The following CCK variants were observed in gnomAD, a reference collection of about 807,000 sequenced individuals.
CCK encodes cholecystokinin.
CCK carries 11 observed loss-of-function variants against 10.1 expected under a neutral mutation model. The observed-to-expected ratio is 1.09, with a 90% CI of 0.69 to 1.81. CCK has a LOEUF of 1.81. CCK is among the 40% of genes most tolerant of loss of function. The probability of loss-of-function intolerance (pLI) is 0.00; values close to 1 mark genes in which losing one functional copy is unlikely to be tolerated. For synonymous variants in CCK, 83 were observed against 71.9 expected (o/e 1.15, Z -0.78); for missense variants, 137 against 159.9 (o/e 0.86, Z 0.77).
intron 4 of CCK, among the ~76,000 whole-genome samples, chr3:42,258,636 G>C (rs754337488): frequency 6.6e-6 from 1 of 152,092 alleles, no homozygotes; most frequent in Non-Finnish European, 1.5e-5. Context: ...GTACTTAATT[G>C]TTCCTAAATT....
chr3:42,259,098 A>G (rs891749448), intron 4 of CCK, among the ~76,000 whole-genome samples: 2 of 152,180 alleles, frequency 1.3e-5, no homozygotes, highest in African/African-American at 4.8e-5. Context: ...AAACTAACAC[A>G]GGAACAGAAG....
At chr3:42,262,871 A>G (rs1420115277) in intron 4 of CCK, 2 of 170,512 alleles carry the variant, frequency 1.2e-5, no homozygotes, top group Non-Finnish European at 2.5e-5. Context: ...GTAAAAACAA[A>G]TACCTCTCTT....
chr3:42,265,244 G>C (rs1046185218), intron 2 of CCK, 25 bp downstream of exon 2: 2 of 152,406 alleles, frequency 1.3e-5, no homozygotes, highest in African/African-American at 4.8e-5. Flanking sequence ...CTACCCCGGA[G>C]CGTCCGAGGC....
intron 4 of CCK, among the ~76,000 whole-genome samples, chr3:42,261,582 G>A (rs4377469): frequency 1.3e-5 from 2 of 151,412 alleles, no homozygotes. Flanking sequence ...TCTAGTATTG[G>A]TTCTAGGAAA....
chr3:42,261,507 A>T (rs985396685), intron 4 of CCK, among the ~76,000 whole-genome samples: 5 of 151,942 alleles, frequency 3.3e-5, no homozygotes, highest in African/African-American at 1.2e-4. Context: ...GCAAAGGGAG[A>T]GGGGGGCTGA....
intron 4 of CCK, 149 bp downstream of exon 4, chr3:42,263,268 C>T: frequency 8.2e-7 from 1 of 1,224,424 alleles, no homozygotes; most frequent in Non-Finnish European, 1.2e-6. Flanking sequence ...TACCCCTTCT[C>T]AGATTGCTAC....
chr3:42,263,821 AC>A, intron 3 of CCK, 189 bp from the exon 4 acceptor site: 1 of 967,348 alleles, frequency 1.0e-6, no homozygotes, highest in Non-Finnish European at 1.4e-6. Context: ...CCCCGGGCGC[AC>A]CTGGCTGGTC....
intron 4 of CCK, among the ~76,000 whole-genome samples, chr3:42,262,346 G>A (rs1432713904): frequency 3.3e-5 from 5 of 149,976 alleles, no homozygotes; most frequent in African/African-American, 7.4e-5. Context: ...TCAGCCTCCC[G>A]TGTAGCTGGG....
At chr3:42,262,134 C>T (rs1292596563) in intron 4 of CCK, among the ~76,000 whole-genome samples, 2 of 151,854 alleles carry the variant, frequency 1.3e-5, no homozygotes, top group Non-Finnish European at 2.9e-5. Context: ...CAAATCCAGG[C>T]CCTGGAACAC....
At chr3:42,265,022 C>A (rs540011983) in intron 2 of CCK, 115 bp from the exon 3 acceptor site, 11 of 152,450 alleles carry the variant, frequency 7.2e-5, no homozygotes, top group African/African-American at 2.6e-4. Flanking sequence ...TTCCAGGTGC[C>A]GCTCCCCTGC....
At chr3:42,260,096 A>G (rs1001522326) in intron 4 of CCK, among the ~76,000 whole-genome samples, 2 of 152,188 alleles carry the variant, frequency 1.3e-5, no homozygotes, top group African/African-American at 4.8e-5. Context: ...TTAATTAAAA[A>G]CAGAAACAAC....
At chr3:42,261,761 A>G (rs1711217602) in intron 4 of CCK, among the ~76,000 whole-genome samples, 1 of 152,160 alleles carries the variant, frequency 6.6e-6, no homozygotes, top group African/African-American at 2.4e-5. Context: ...TCCACAGTTA[A>G]ATGAAAAGCC....
intron 4 of CCK, among the ~76,000 whole-genome samples, chr3:42,259,079 A>G (rs1032871749): frequency 6.6e-6 from 1 of 152,176 alleles, no homozygotes; most frequent in Non-Finnish European, 1.5e-5. Flanking sequence ...GGAAACCATC[A>G]TTCTCAGCAA....
intron 4 of CCK, 173 bp downstream of exon 4, chr3:42,263,244 A>G (rs761570026): frequency 1.6e-4 from 158 of 961,124 alleles, no homozygotes; most frequent in Non-Finnish European, 2.5e-4. Flanking sequence ...CTTACTTATA[A>G]ATTAAGTCCT....
intron 3 of CCK, 76 bp downstream of exon 3, chr3:42,264,621 G>A (rs1711261449): frequency 6.6e-6 from 1 of 152,082 alleles, no homozygotes; most frequent in Non-Finnish European, 1.5e-5. Context: ...TAATGGAAAT[G>A]GGCACAAAGC....
chr3:42,264,879 A>C lies in CCK; in HGVS notation c.-185T>G, dbSNP rs1711265022. ...AGTAACACGTGCTCAGAGGGCGGCC[A>C]CTGGGGCGACAACCGGTTGAAGTGG... On this transcript the variant is annotated 5_prime_UTR_variant, in exon 3 of 5. Coordinates refer to ENST00000396169, the MANE Select transcript of CCK (RefSeq NM_000729.6). 3 of 152,286 alleles carry C rather than the reference A, an allele frequency of 2.0e-5. No homozygotes were observed. The South Asian group carries it at 6.2e-4, about 32-fold the overall frequency. The allele number at this position is 152,286 out of a possible 1,614,324, so 9.4% of individuals were successfully genotyped here. A position where few individuals can be genotyped will look rare whatever the true frequency, so the allele number is the denominator to read the frequency against.
At chr3:42,260,483 C>A (rs1463478773) in intron 4 of CCK, among the ~76,000 whole-genome samples, 1 of 152,200 alleles carries the variant, frequency 6.6e-6, no homozygotes, top group Non-Finnish European at 1.5e-5. Flanking sequence ...ATGGAAGCTG[C>A]ATTTATCACA....
At chr3:42,258,480 A>G (rs754634628) in intron 4 of CCK, among the ~76,000 whole-genome samples, 13 of 152,266 alleles carry the variant, frequency 8.5e-5, no homozygotes, top group Middle Eastern at 3.4e-3. Context: ...TTCTGCAAGT[A>G]TTTAGGTGGA....
Position 42,263,556 on chromosome 3 carries a change from G to A in CCK, c.75C>T (p.Pro25=), listed in dbSNP as rs1000640715. The change falls in exon 4 of 5, where the codon CCC becomes CCT. Residue 25 remains proline (P), a synonymous_variant. Coordinates refer to ENST00000396169, the MANE Select transcript of CCK (RefSeq NM_000729.6). The part of the protein sequence containing the change: ...AAGALTQPVP[P]ADPAGSGLQR... ...GCAGCCCGGAGCCCGCGGGATCTGCGGGAGGCACCGGCTGCGTCAGGGCGC... is the reference window on the plus strand; with the variant it reads ...GCAGCCCGGAGCCCGCGGGATCTGCAGGAGGCACCGGCTGCGTCAGGGCGC... The A allele has an allele frequency of 1.9e-6, 3 of 1,610,622 alleles. No individual in the cohort carries two copies. Among genetic ancestry groups the A allele is most frequent in the African/African-American group, 1.3e-5 (1 of 74,862 alleles).
Sources: allele counts gnomAD v4.1 joint callset (sites outside exome capture counted in the v4.1 genomes callset), GRCh38; gene constraint gnomAD v4.1.1; transcripts MANE v1.5; gene names NCBI Gene and HGNC (gene_info 2026-07-23, HGNC 2026-07-21).